The following DYNC2H1 variants were observed in gnomAD, a reference collection of about 807,000 sequenced individuals.
DYNC2H1 encodes cytoplasmic dynein 2 heavy chain 1.
In DYNC2H1, 410 loss-of-function variants were observed where a neutral mutation model predicts 570.0. The observed-to-expected ratio is 0.72, with a 90% CI of 0.66 to 0.78. The LOEUF (loss-of-function observed/expected upper bound fraction) is 0.78, where lower values mean the gene tolerates loss of function less well. Among genes scored for constraint, DYNC2H1 ranks in the 30% least tolerant of loss-of-function variants. The pLI, the probability that DYNC2H1 is intolerant of heterozygous loss-of-function variation, is 0.00. For missense variants in DYNC2H1, 4,865 were observed against 5,046.4 expected, an observed-to-expected ratio of 0.96 and a Z score of 1.09; for synonymous variants, 1,688 against 1,677.6, an observed-to-expected ratio of 1.01 and a Z score of -0.15.
intron 20 of DYNC2H1, among the ~76,000 whole-genome samples, chr11:103,150,083 G>A (rs532924457): frequency 6.6e-6 from 1 of 152,306 alleles, no homozygotes; most frequent in Non-Finnish European, 1.5e-5. Flanking sequence ...ATTATTAAAA[G>A]AGCATAGTAT....
At chr11:103,371,431 A>G (rs994785066) in intron 83 of DYNC2H1, among the ~76,000 whole-genome samples, 3 of 152,218 alleles carry the variant, frequency 2.0e-5, no homozygotes, top group South Asian at 2.1e-4. Context: ...AGAGAAAGAT[A>G]TCAATATTCA....
chr11:103,459,977 A>C (rs1226463771), intron 87 of DYNC2H1, among the ~76,000 whole-genome samples: 1 of 151,634 alleles, frequency 6.6e-6, no homozygotes, highest in Non-Finnish European at 1.5e-5. Context: ...AAGAAAAAAA[A>C]AAAAAAGCTG....
intron 88 of DYNC2H1, among the ~76,000 whole-genome samples, chr11:103,473,567 G>C (rs1291109136): frequency 6.6e-6 from 1 of 152,014 alleles, no homozygotes; most frequent in Non-Finnish European, 1.5e-5. Context: ...CCCTCCCTTG[G>C]AAAGTCTTAT....
intron 84 of DYNC2H1, among the ~76,000 whole-genome samples, chr11:103,419,451 T>G (rs1462093295): frequency 6.6e-6 from 1 of 152,064 alleles, no homozygotes; most frequent in Admixed American, 6.5e-5. Flanking sequence ...CCATCTCTGC[T>G]GTTTCACAGC....
chr11:103,264,119 T>C lies in DYNC2H1; in HGVS notation c.10695+4142T>C, dbSNP rs1865419608. On this transcript the variant is annotated intron_variant, in intron 70 of 88. Transcript: ENST00000375735. This position sits in a 1 kb window ranked among gnomAD's most constrained non-coding sequence, Gnocchi z 4.8. ...AGAAAATCTAGAAGAAATGGATAAA[T>C]TCCTGGACACATACACCCTCCCAAG... Among the ~76,000 whole-genome samples the C allele has an allele frequency of 6.6e-6, 1 of 152,102 alleles. No individual in the cohort carries two copies. The highest frequency in any genetic ancestry group is 6.5e-5 in the Admixed American group (1 of 15,276).
At chr11:103,173,035 A>T (rs1861636094) in intron 34 of DYNC2H1, 47 bp from the exon 35 acceptor site, 1 of 996,338 alleles carries the variant, frequency 1.0e-6, no homozygotes, top group East Asian at 3.9e-5. Flanking sequence ...TAAATATTTT[A>T]ACTTAATATT....
rs1460704841 is a variant in DYNC2H1 at position 103,461,756 on chromosome 11, T to C, written c.12648+5400T>C. ...TTTTTTTTAATAATGTTTAATACTT[T>C]CTATTATTAAACATTTTAAACAAAT... is the stretch of plus-strand genomic sequence containing the variant. On this transcript the variant is annotated intron_variant, in intron 87 of 88. Transcript: ENST00000375735. This position sits in a 1 kb window ranked among gnomAD's most constrained non-coding sequence, Gnocchi z 4.8. Among the ~76,000 whole-genome samples, 1 of 151,438 alleles carries C rather than the reference T, an allele frequency of 6.6e-6. No homozygotes were observed. The highest frequency in any genetic ancestry group is 1.5e-5 in the Non-Finnish European group (1 of 67,908).
intron 83 of DYNC2H1, among the ~76,000 whole-genome samples, chr11:103,388,915 T>C (rs1475086503): frequency 6.6e-6 from 1 of 152,202 alleles, no homozygotes; most frequent in Non-Finnish European, 1.5e-5. Flanking sequence ...CAGTATTTTA[T>C]TGAGGATTTT....
intron 40 of DYNC2H1, among the ~76,000 whole-genome samples, chr11:103,183,183 T>C (rs1162430551): frequency 6.6e-6 from 1 of 151,968 alleles, no homozygotes; most frequent in Non-Finnish European, 1.5e-5. Flanking sequence ...GATAGTATTG[T>C]GCTTAATTAT....
At chr11:103,285,580 CCTGA>C (rs201601340) in intron 73 of DYNC2H1, among the ~76,000 whole-genome samples, 2,620 of 151,658 alleles carry the variant, frequency 0.017, 31 homozygotes, top group Non-Finnish European at 0.026. Flanking sequence ...CCACCACCAG[CCTGA>C]CTAATTTTTT....
chr11:103,187,301 G>T (rs1862110036), intron 42 of DYNC2H1, 39 bp from the exon 43 acceptor site: 1 of 1,607,204 alleles, frequency 6.2e-7, no homozygotes, highest in East Asian at 2.2e-5. Context: ...TTTGTTGGTT[G>T]CATTTTTATC....
Position 103,176,341 on chromosome 11 carries a change from G to C in DYNC2H1, c.5781G>C (p.Pro1927=). 5 of 1,584,130 alleles carry C rather than the reference G, an allele frequency of 3.2e-6. No homozygotes were observed. Among genetic ancestry groups the C allele is most frequent in the Non-Finnish European group, 4.3e-6 (5 of 1,165,112 alleles). ...ATGCACTGATAAAAGATGTCTTTCC[G>C]GGAATTGAATTGAAAGAAGTGGAAT... ...RFDALIKDVF[P]GIELKEVEYD... The change falls in exon 37 of 89, where the codon CCG becomes CCC. Residue 1927 remains proline, a synonymous_variant. Transcript: ENST00000375735.
At chr11:103,414,175 A>AAAT (rs1423976312) in intron 84 of DYNC2H1, among the ~76,000 whole-genome samples, 1 of 152,214 alleles carries the variant, frequency 6.6e-6, no homozygotes, top group African/African-American at 2.4e-5. Context: ...CAAGATCAGG[A>AAAT]AATAAAAAGT....
chr11:103,342,319 T>G (rs2897970), intron 82 of DYNC2H1, among the ~76,000 whole-genome samples: 1 of 151,674 alleles, frequency 6.6e-6, no homozygotes, highest in African/African-American at 2.4e-5. Flanking sequence ...CCCTATAAAA[T>G]GGACCAATCA....
Position 103,141,026 on chromosome 11 carries a change from G to A in DYNC2H1, c.2575-2242G>A, listed in dbSNP as rs187131101. On this transcript the variant is annotated intron_variant, in intron 17 of 88. Coordinates refer to ENST00000375735, the MANE Select transcript of DYNC2H1 (RefSeq NM_001377.3). ...CTCCTGAGGCTTCTGCATTCTTCAC[G>A]TAGTTCTCGAGTCTTGGCTTTCAGC... is the stretch of plus-strand genomic sequence containing the variant. Among the ~76,000 whole-genome samples the A allele has an allele frequency of 2.8e-3, 427 of 151,882 alleles. 5 individuals are homozygous for A. Among genetic ancestry groups the A allele is most frequent in the East Asian group, 0.02 (104 of 5,168 alleles).
intron 84 of DYNC2H1, among the ~76,000 whole-genome samples, chr11:103,425,982 G>T (rs1477348634): frequency 6.6e-6 from 1 of 152,030 alleles, no homozygotes; most frequent in Non-Finnish European, 1.5e-5. Flanking sequence ...TGACATGTAC[G>T]TGATGGCCAT....
chr11:103,412,989 T>G lies in DYNC2H1; in HGVS notation c.12366+13117T>G, dbSNP rs747492853. Among the ~76,000 whole-genome samples, 4 of 151,854 alleles carry G rather than the reference T, an allele frequency of 2.6e-5. No individual in the cohort carries two copies. In the South Asian group the frequency reaches 8.3e-4, roughly 32 times the overall value. On this transcript the variant is annotated intron_variant, in intron 84 of 88. Transcript: ENST00000375735. ...ATCACCTGAGACCTTGGCAGAAATATGAATTCTTGTACCACCCCCCACCTA... is the reference window on the plus strand; with the variant it reads ...ATCACCTGAGACCTTGGCAGAAATAGGAATTCTTGTACCACCCCCCACCTA...
At chr11:103,445,608 G>T (rs182041905) in intron 85 of DYNC2H1, among the ~76,000 whole-genome samples, 256 of 152,212 alleles carry the variant, frequency 1.7e-3, no homozygotes, top group African/African-American at 5.6e-3. Flanking sequence ...TGTGGATTTG[G>T]CTATGGGGCA....
At chr11:103,349,610 A>G (rs1223149834) in intron 82 of DYNC2H1, among the ~76,000 whole-genome samples, 1 of 152,160 alleles carries the variant, frequency 6.6e-6, no homozygotes, top group Non-Finnish European at 1.5e-5. Context: ...TGCAAATAAT[A>G]TAGCTCAGTA....
Sources: gnomAD v4.1 joint callset for allele counts (sites outside exome capture counted in the v4.1 genomes callset) on GRCh38, gnomAD v4.1.1 for gene constraint, Gnocchi (gnomAD v3.1) non-coding constraint, MANE v1.5 for transcripts, NCBI Gene and HGNC (gene_info 2026-07-23, HGNC 2026-07-21) for gene names.